ZNF385D: variants seen among roughly 807,000 people sequenced by gnomAD.
The protein encoded by ZNF385D is zinc finger protein 385D.
In ZNF385D, 15 loss-of-function variants were observed where a neutral mutation model predicts 35.8. The ratio of observed to expected loss-of-function variants is 0.42; its 90% CI spans 0.28 to 0.64. The LOEUF (loss-of-function observed/expected upper bound fraction) is 0.64. Among genes scored for constraint, ZNF385D ranks in the 30% least tolerant of loss-of-function variants. The pLI is 0.23. For missense variants in ZNF385D, 474 were observed against 494.6 expected (o/e 0.96, Z 0.39); for synonymous variants, 212 against 186.8 (o/e 1.13, Z -1.10).
At chr3:21,837,051 T>C (rs1695372770) in intron 3 of ZNF385D, among the ~76,000 whole-genome samples, 1 of 152,148 alleles carries the variant, frequency 6.6e-6, no homozygotes, top group Non-Finnish European at 1.5e-5. Flanking sequence ...ATTCAAGGTA[T>C]GTATCCTTAA....
chr3:22,111,419 G>T (rs558206021), intron 3 of ZNF385D, among the ~76,000 whole-genome samples: 2 of 152,094 alleles, frequency 1.3e-5, no homozygotes, highest in South Asian at 4.2e-4. Context: ...GGACAAAGCA[G>T]AAAGTGAGCC....
At position 21,662,277 on chromosome 3, in the gene ZNF385D, G is replaced by A. The variant is rs148508576; in HGVS notation, c.165+2609C>T. On this transcript the variant is annotated intron_variant, in intron 2 of 7. Coordinates refer to ENST00000281523, the MANE Select transcript of ZNF385D (RefSeq NM_024697.3). ...GCCTAAAGGGTCATGCTAGCCAGGT[G>A]CTGACCATCTCATGAATGCCTATGT... 3.5e-3 allele frequency among the ~76,000 whole-genome samples: 531 copies of A among 152,262 alleles called. 3 individuals carry two copies. The highest frequency in any genetic ancestry group is 0.012 in the African/African-American group (499 of 41,558).
chr3:21,588,957 G>C (rs776150267), intron 2 of ZNF385D, among the ~76,000 whole-genome samples: 1 of 152,062 alleles, frequency 6.6e-6, no homozygotes, highest in Admixed American at 6.6e-5. Flanking sequence ...TTATGTGCTA[G>C]GCATTTTTCT....
At chr3:21,991,208 C>A (rs1314653885) in intron 3 of ZNF385D, among the ~76,000 whole-genome samples, 2 of 152,170 alleles carry the variant, frequency 1.3e-5, no homozygotes, top group East Asian at 1.9e-4. Context: ...TTGCAAGACA[C>A]ACTGAAATGC....
chr3:21,575,280 T>C (rs2063463420), intron 2 of ZNF385D, among the ~76,000 whole-genome samples: 1 of 151,772 alleles, frequency 6.6e-6, no homozygotes, highest in Non-Finnish European at 1.5e-5. Context: ...AGGGTGGAGG[T>C]GGGAGGGTGG....
intron 3 of ZNF385D, chr3:21,978,129 T>C (rs1267099787): frequency 6.6e-6 from 1 of 151,452 alleles, no homozygotes; most frequent in Non-Finnish European, 1.5e-5. Flanking sequence ...CTGTTTTGTG[T>C]TTTTATTAAT....
intron 3 of ZNF385D, among the ~76,000 whole-genome samples, chr3:21,922,161 T>A (rs1270507221): frequency 2.0e-5 from 3 of 151,906 alleles, no homozygotes; most frequent in Non-Finnish European, 4.4e-5. Context: ...GGAAAAATAG[T>A]CCATGCTCAT....
At chr3:22,015,224 T>C (rs1696812045) in intron 3 of ZNF385D, among the ~76,000 whole-genome samples, 1 of 152,148 alleles carries the variant, frequency 6.6e-6, no homozygotes, top group African/African-American at 2.4e-5. Context: ...AGCTGATGCG[T>C]TTTATAGCAG....
Position 22,208,719 on chromosome 3 carries a change from A to T in ZNF385D, c.107-39684T>A, listed in dbSNP as rs992621385. On this transcript the variant is annotated intron_variant, in intron 2 of 5. Transcript: ENST00000494108. ...ATGTACCCACAAAAAGTAAAAATTA[A>T]AAAAAAAATTTAAAAAATAATTATT... Among the ~76,000 whole-genome samples, 6 of 27,824 alleles carry T rather than the reference A, an allele frequency of 2.2e-4. No individual in the cohort carries two copies. In the South Asian group the frequency reaches 2.9e-3, roughly 14 times the overall value. The allele number at this position is 27,824 out of a possible 152,430, so 18.3% of individuals were successfully genotyped here. A position where few individuals can be genotyped will look rare whatever the true frequency, so the allele number is the denominator to read the frequency against.
At chr3:21,822,691 T>G (rs1213712882) in intron 3 of ZNF385D, among the ~76,000 whole-genome samples, 2 of 152,150 alleles carry the variant, frequency 1.3e-5, no homozygotes, top group Non-Finnish European at 2.9e-5. Flanking sequence ...AATGCATAGT[T>G]ACAGTATACC....
At chr3:22,026,573 G>C (rs1697565597) in intron 3 of ZNF385D, among the ~76,000 whole-genome samples, 1 of 152,326 alleles carries the variant, frequency 6.6e-6, no homozygotes, top group Non-Finnish European at 1.5e-5. Flanking sequence ...AGCAGATCCA[G>C]TGGGTCCTCG....
chr3:21,793,216 GA>G (rs1214567531), intron 3 of ZNF385D, among the ~76,000 whole-genome samples: 1 of 152,174 alleles, frequency 6.6e-6, no homozygotes, highest in Non-Finnish European at 1.5e-5. Flanking sequence ...AGCTAGCCAT[GA>G]GAGCCACTGA....
At chr3:22,127,403 A>G (rs757695213) in intron 3 of ZNF385D, among the ~76,000 whole-genome samples, 1 of 121,386 alleles carries the variant, frequency 8.2e-6, no homozygotes, top group South Asian at 2.8e-4. Flanking sequence ...GCAGTGGTGC[A>G]ATCTTGGTTC....
intron 2 of ZNF385D, among the ~76,000 whole-genome samples, chr3:21,631,580 ACAAAAATGTATAATGGCACACACATTTTT>A (rs2065283202): frequency 6.6e-6 from 1 of 152,148 alleles, no homozygotes; most frequent in Non-Finnish European, 1.5e-5. Context: ...CCCATTAAAA[ACAAAAATGTATAATGGCACACACATTTTT>A]CAAATACCCA....
intron 3 of ZNF385D, among the ~76,000 whole-genome samples, chr3:21,553,962 C>T (rs2062647693): frequency 6.6e-6 from 1 of 152,148 alleles, no homozygotes. Flanking sequence ...ATTTCTTTCA[C>T]TGGAGTTTTG....
Position 21,577,328 on chromosome 3 carries a change from C to T in ZNF385D, c.166-12644G>A, listed in dbSNP as rs115365016. On this transcript the variant is annotated intron_variant, in intron 2 of 7. Transcript: ENST00000281523. ...TCCAGGATCATCCATGTTTCCAAAA[C>T]TGACAACATGTCATTCTTCTTTATG... 5.4e-3 allele frequency among the ~76,000 whole-genome samples: 826 copies of T among 152,286 alleles called. 11 individuals are homozygous for T. Among genetic ancestry groups the T allele is most frequent in the African/African-American group, 0.019 (798 of 41,566 alleles).
At chr3:21,590,242 T>C (rs1237758209) in intron 2 of ZNF385D, among the ~76,000 whole-genome samples, 5 of 152,072 alleles carry the variant, frequency 3.3e-5, no homozygotes, top group East Asian at 3.9e-4. Context: ...AAATAAGTAA[T>C]GGGAGGTTAC....
intron 3 of ZNF385D, chr3:21,978,097 C>T (rs1703751406): frequency 6.6e-6 from 1 of 150,720 alleles, no homozygotes; most frequent in Non-Finnish European, 1.5e-5. Flanking sequence ...TAGAGAAATA[C>T]TTAAACTACT....
chr3:21,822,199 G>C (rs554724730), intron 3 of ZNF385D, among the ~76,000 whole-genome samples: 67 of 151,946 alleles, frequency 4.4e-4, no homozygotes, highest in South Asian at 8.3e-4. Flanking sequence ...AGCCTCCCTA[G>C]TAGCTGGGAC....
Sources: allele counts gnomAD v4.1 joint callset (sites outside exome capture counted in the v4.1 genomes callset), GRCh38; gene constraint gnomAD v4.1.1; transcripts MANE v1.5; gene names NCBI Gene and HGNC (gene_info 2026-07-23, HGNC 2026-07-21).